Variants in ZDHHC14 observed in about 807,000 individuals in gnomAD.
ZDHHC14 encodes the protein palmitoyltransferase ZDHHC14.
ZDHHC14 carries 16 observed loss-of-function variants against 47.7 expected under a neutral mutation model. That is an observed-to-expected ratio of 0.34 (90% confidence interval 0.23 to 0.51). The LOEUF (loss-of-function observed/expected upper bound fraction) is 0.51. Ranked by LOEUF, ZDHHC14 falls within the 20% of genes least tolerant of loss-of-function variation. The pLI is 0.97. For missense variants in ZDHHC14, 515 were observed against 662.5 expected (o/e 0.78, Z 2.44); for synonymous variants, 293 against 278.9 (o/e 1.05, Z -0.50).
intron 2 of ZDHHC14, among the ~76,000 whole-genome samples, chr6:157,560,313 A>C (rs1782655948): frequency 6.6e-6 from 1 of 152,254 alleles, no homozygotes; most frequent in Admixed American, 6.5e-5. Context: ...GTGGGGCAGC[A>C]GGTGCCCGGC....
At chr6:157,392,200 A>G (rs1777431242) in intron 1 of ZDHHC14, among the ~76,000 whole-genome samples, 1 of 152,216 alleles carries the variant, frequency 6.6e-6, no homozygotes, top group African/African-American at 2.4e-5. Flanking sequence ...ATTTATTACA[A>G]TGATAAATCC....
intron 5 of ZDHHC14, among the ~76,000 whole-genome samples, chr6:157,644,402 A>G (rs1777416409): frequency 6.6e-6 from 1 of 152,210 alleles, no homozygotes; most frequent in African/African-American, 2.4e-5. Context: ...CTAGGCTGGC[A>G]GCAGCTGTGG....
chr6:157,485,256 T>C (rs1309025562), intron 1 of ZDHHC14, among the ~76,000 whole-genome samples: 1 of 152,214 alleles, frequency 6.6e-6, no homozygotes, highest in African/African-American at 2.4e-5. Context: ...TGTGGTGCCC[T>C]GTACTGCAGC....
chr6:157,468,744 C>T (rs1177853560), intron 1 of ZDHHC14, among the ~76,000 whole-genome samples: 1 of 152,196 alleles, frequency 6.6e-6, no homozygotes, highest in African/African-American at 2.4e-5. Flanking sequence ...TGCTTTATAA[C>T]AACAGCAGTA....
chr6:157,618,118 C>T (rs1213546417), intron 3 of ZDHHC14, among the ~76,000 whole-genome samples: 1 of 152,128 alleles, frequency 6.6e-6, no homozygotes, highest in South Asian at 2.1e-4. Flanking sequence ...AACTAGGCAT[C>T]GTTTCTGGCC....
chr6:157,599,434 G>C (rs1384491071), intron 3 of ZDHHC14, among the ~76,000 whole-genome samples: 2 of 152,230 alleles, frequency 1.3e-5, no homozygotes, highest in Non-Finnish European at 2.9e-5. Flanking sequence ...AGACACCTGG[G>C]TGGGAGCCCT....
At chr6:157,420,547 T>C (rs1011054932) in intron 1 of ZDHHC14, among the ~76,000 whole-genome samples, 5 of 151,966 alleles carry the variant, frequency 3.3e-5, no homozygotes, top group African/African-American at 9.7e-5. Context: ...ATTGAAGTGG[T>C]GGGCTGAATT....
intron 1 of ZDHHC14, among the ~76,000 whole-genome samples, chr6:157,477,933 G>C (rs1779531846): frequency 6.6e-6 from 1 of 152,142 alleles, no homozygotes; most frequent in Non-Finnish European, 1.5e-5. Flanking sequence ...ACTTTCTTTT[G>C]ACATAGGTAA....
Position 157,385,738 on chromosome 6 carries a change from T to C in ZDHHC14, c.245+3472T>C, listed in dbSNP as rs541945870. Among the ~76,000 whole-genome samples the C allele has an allele frequency of 4.6e-5, 7 of 152,346 alleles. No individual in the cohort carries two copies. The South Asian group carries it at 1.4e-3, about 32-fold the overall frequency. Reference sequence around the variant, plus strand: ...AGTCACCTAGGGTTGCACAGCTAATTAGTGGGAAGGCTTCTGGCTGCAAAG... The same window carrying C: ...AGTCACCTAGGGTTGCACAGCTAATCAGTGGGAAGGCTTCTGGCTGCAAAG... On this transcript the variant is annotated intron_variant, in intron 1 of 8. Transcript: ENST00000359775.
chr6:157,656,638 G>C (rs1778102413), intron 8 of ZDHHC14, among the ~76,000 whole-genome samples: 1 of 145,726 alleles, frequency 6.9e-6, no homozygotes, highest in Non-Finnish European at 1.5e-5. Flanking sequence ...GCCCAGCCTG[G>C]AAAGCTACTT....
At chr6:157,467,288 A>G (rs1779241673) in intron 1 of ZDHHC14, among the ~76,000 whole-genome samples, 1 of 152,132 alleles carries the variant, frequency 6.6e-6, no homozygotes, top group African/African-American at 2.4e-5. Flanking sequence ...TGCCCTAAAA[A>G]GAAACCCATA....
chr6:157,542,769 G>A (rs765722362), intron 2 of ZDHHC14, 24 bp downstream of exon 2: 1 of 1,610,678 alleles, frequency 6.2e-7, no homozygotes, highest in Non-Finnish European at 8.5e-7. Context: ...TCTGCCCATG[G>A]CCTCTGGTCA....
chr6:157,408,533 A>G (rs943150912), intron 1 of ZDHHC14, among the ~76,000 whole-genome samples: 1 of 152,104 alleles, frequency 6.6e-6, no homozygotes, highest in Non-Finnish European at 1.5e-5. Flanking sequence ...TCCCACTTCT[A>G]AGTGAGAACA....
chr6:157,467,086 C>T (rs1779236809), intron 1 of ZDHHC14, among the ~76,000 whole-genome samples: 1 of 152,086 alleles, frequency 6.6e-6, no homozygotes, highest in Non-Finnish European at 1.5e-5. Context: ...TTGGAAACAC[C>T]ATCCGAGTTT....
intron 2 of ZDHHC14, among the ~76,000 whole-genome samples, chr6:157,546,822 A>G (rs530229861): frequency 6.6e-6 from 1 of 152,330 alleles, no homozygotes; most frequent in South Asian, 2.1e-4. Context: ...AATAGGGGAA[A>G]GTATTTCACA....
intron 8 of ZDHHC14, 64 bp from the exon 9 acceptor site, chr6:157,672,660 T>G: frequency 3.0e-5 from 11 of 367,984 alleles, no homozygotes; most frequent in African/African-American, 7.1e-5. Flanking sequence ...TCCCCATCCC[T>G]GTCCCTCCCC....
chr6:157,517,413 C>G lies in ZDHHC14; in HGVS notation c.246-25172C>G, dbSNP rs575730863. Among the ~76,000 whole-genome samples, 11 of 151,998 alleles carry G rather than the reference C, an allele frequency of 7.2e-5. No individual in the cohort carries two copies. The South Asian group carries it at 2.3e-3, about 32-fold the overall frequency. On this transcript the variant is annotated intron_variant, in intron 1 of 8. Transcript: ENST00000359775. Reference sequence around the variant, plus strand: ...ATAACCTCCGCCTCCCGGGTTCAAGCGATTCTCCTGCCTCAGCCTCCCGAG... The same window carrying G: ...ATAACCTCCGCCTCCCGGGTTCAAGGGATTCTCCTGCCTCAGCCTCCCGAG...
intron 1 of ZDHHC14, among the ~76,000 whole-genome samples, chr6:157,522,523 T>C (rs151286196): frequency 6.6e-6 from 1 of 152,064 alleles, no homozygotes; most frequent in East Asian, 1.9e-4. Context: ...TTTATGATCG[T>C]AGAGAAATAA....
At chr6:157,550,809 C>A (rs935294466) in intron 2 of ZDHHC14, among the ~76,000 whole-genome samples, 2 of 152,238 alleles carry the variant, frequency 1.3e-5, no homozygotes, top group Non-Finnish European at 2.9e-5. Flanking sequence ...TCTCTTACTG[C>A]ACCAATGTCA....
Sources: gnomAD v4.1 joint callset for allele counts (sites outside exome capture counted in the v4.1 genomes callset) on GRCh38, gnomAD v4.1.1 for gene constraint, MANE v1.5 for transcripts, NCBI Gene and HGNC (gene_info 2026-07-23, HGNC 2026-07-21) for gene names.